Variants in SDK1 observed in about 807,000 individuals in gnomAD.
SDK1 encodes protein sidekick-1.
SDK1 carries 157 observed loss-of-function variants against 245.5 expected under a neutral mutation model. The observed-to-expected ratio is 0.64, with a 90% confidence interval of 0.56 to 0.73. The LOEUF is 0.73. Ranked by LOEUF, SDK1 falls within the 30% of genes least tolerant of loss-of-function variation. The pLI is 0.00. For synonymous variants in SDK1, 1,647 were observed against 1,278.5 expected (o/e 1.29, Z -6.15); for missense variants, 3,583 against 3,002.3 (o/e 1.19, Z -4.52).
chr7:3,560,643 G>T (rs983236174), intron 1 of SDK1, among the ~76,000 whole-genome samples: 1 of 152,156 alleles, frequency 6.6e-6, no homozygotes, highest in African/African-American at 2.4e-5. Context: ...GCACGATCCT[G>T]TAAAAACATC....
rs557998188 is a variant in SDK1 at position 3,952,733 on chromosome 7, C to A, written c.1150+813C>A. On this transcript the variant is annotated intron_variant, in intron 7 of 44. Coordinates refer to ENST00000404826, the MANE Select transcript of SDK1 (RefSeq NM_152744.4). ...AACAGAGATGCTTCCTCAAACTGGG[C>A]GACATATTATTCCTGAACCAAGGAG... Among the ~76,000 whole-genome samples, 7 of 151,144 alleles carry A rather than the reference C, an allele frequency of 4.6e-5. No homozygotes were observed. The South Asian group carries it at 8.4e-4, about 18-fold the overall frequency.
intron 1 of SDK1, among the ~76,000 whole-genome samples, chr7:3,435,803 G>A (rs1007664062): frequency 6.6e-5 from 10 of 152,072 alleles, no homozygotes; most frequent in Non-Finnish European, 1.2e-4. Flanking sequence ...CAGTCTCTAC[G>A]TCCCTCATGC....
At chr7:3,883,693 G>GCTCCGTCC (rs1781262210) in intron 5 of SDK1, among the ~76,000 whole-genome samples, 1 of 144,252 alleles carries the variant, frequency 6.9e-6, no homozygotes, top group African/African-American at 2.8e-5. Flanking sequence ...TCGCTCCCTC[G>GCTCCGTCC]CTCCCTCCCT....
chr7:4,046,555 G>A (rs758969759), intron 17 of SDK1, among the ~76,000 whole-genome samples: 2 of 152,024 alleles, frequency 1.3e-5, no homozygotes, highest in African/African-American at 2.4e-5. Context: ...ACCATTTGTC[G>A]AAATTACTAT....
At chr7:4,073,763 G>C (rs56249161) in intron 20 of SDK1, among the ~76,000 whole-genome samples, 45,393 of 151,848 alleles carry the variant, frequency 0.3, 7,272 homozygotes, top group African/African-American at 0.4. Context: ...AGGGTCTCGT[G>C]CACCATGAGA....
chr7:4,094,817 G>C (rs189051212), intron 22 of SDK1, among the ~76,000 whole-genome samples: 1 of 152,162 alleles, frequency 6.6e-6, no homozygotes, highest in Non-Finnish European at 1.5e-5. Flanking sequence ...CTTACAGTAA[G>C]GATCCATAAA....
rs1583808010 is a variant in SDK1, at chr7:3,403,859, ATATATATAT to A, written c.298+101976_298+101984del. 5.8e-5 allele frequency among the ~76,000 whole-genome samples: 6 copies of A among 104,112 alleles called. 1 individual carries two copies. In the East Asian group the frequency reaches 1.4e-3, roughly 24 times the overall value. The allele number at this position is 104,112 out of a possible 152,430, so 68.3% of individuals were successfully genotyped here. A position where few individuals can be genotyped will look rare whatever the true frequency, so the allele number is the denominator to read the frequency against. On this transcript the variant is annotated intron_variant, in intron 1 of 44. Coordinates refer to ENST00000404826, the MANE Select transcript of SDK1 (RefSeq NM_152744.4). ...TATATATATATATATATATATATAT[ATATATATAT>A]AATATATATATTTATTTATATTATA...
chr7:3,644,251 A>G (rs1007754035), intron 4 of SDK1, among the ~76,000 whole-genome samples: 1 of 150,264 alleles, frequency 6.7e-6, no homozygotes, highest in African/African-American at 2.4e-5. Flanking sequence ...ATTTATATAT[A>G]TATATATATA....
intron 19 of SDK1, among the ~76,000 whole-genome samples, chr7:4,055,495 G>T (rs1423979543): frequency 2.6e-5 from 4 of 151,958 alleles, no homozygotes; most frequent in South Asian, 4.1e-4. Context: ...CTTCCTGGAG[G>T]TTCTTCAATT....
At chr7:4,155,396 G>T (rs1188042490) in intron 30 of SDK1, among the ~76,000 whole-genome samples, 2 of 152,200 alleles carry the variant, frequency 1.3e-5, no homozygotes, top group East Asian at 3.9e-4. Flanking sequence ...GATTTGTCCA[G>T]CCACCTGACA....
At chr7:3,749,030 A>G (rs1779702147) in intron 4 of SDK1, among the ~76,000 whole-genome samples, 1 of 152,230 alleles carries the variant, frequency 6.6e-6, no homozygotes, top group Non-Finnish European at 1.5e-5. Context: ...ACATGCCAGT[A>G]ATGCGAATAT....
intron 1 of SDK1, among the ~76,000 whole-genome samples, chr7:3,462,345 C>T (rs775787210): frequency 6.6e-5 from 10 of 152,100 alleles, no homozygotes; most frequent in Non-Finnish European, 1.2e-4. Flanking sequence ...CCTGCCCCGC[C>T]GAGGTTGAGT....
intron 1 of SDK1, among the ~76,000 whole-genome samples, chr7:3,593,316 G>A (rs1050022607): frequency 6.6e-6 from 1 of 152,110 alleles, no homozygotes; most frequent in Non-Finnish European, 1.5e-5. Context: ...TGGAGCACTG[G>A]GGACAAGGTG....
chr7:4,182,113 G>T (rs1292294684), intron 35 of SDK1, among the ~76,000 whole-genome samples: 1 of 152,142 alleles, frequency 6.6e-6, no homozygotes, highest in Non-Finnish European at 1.5e-5. Context: ...TAGAGACGGG[G>T]TTTCACCGTG....
intron 1 of SDK1, among the ~76,000 whole-genome samples, chr7:3,510,984 C>G (rs1358170858): frequency 6.6e-6 from 1 of 152,190 alleles, no homozygotes; most frequent in East Asian, 1.9e-4. Context: ...AAGAATTGCC[C>G]TGGCTGCTGT....
chr7:4,136,588 A>G (rs929310161), intron 28 of SDK1, among the ~76,000 whole-genome samples: 3 of 152,242 alleles, frequency 2.0e-5, no homozygotes, highest in African/African-American at 7.2e-5. Flanking sequence ...TAGCATTTAG[A>G]ACTTTTCTTT....
chr7:3,776,924 G>T (rs10259149), intron 4 of SDK1, among the ~76,000 whole-genome samples: 1 of 152,118 alleles, frequency 6.6e-6, no homozygotes, highest in South Asian at 2.1e-4. Flanking sequence ...GTATCATAGA[G>T]CACGGTGTAT....
In SDK1 at chr7:4,114,127, G is replaced by A. The variant is rs1234230941; in HGVS notation, c.3676G>A (p.Ala1226Thr). The change falls in exon 25 of 45, where the codon GCC becomes ACC. Residue 1226 changes from alanine (A) to threonine (T), a missense_variant. Coordinates refer to ENST00000404826, the MANE Select transcript of SDK1 (RefSeq NM_152744.4). Reference protein sequence around the residue: ...WRSDLQSSAVAQVVSDRLERE... With the variant: ...WRSDLQSSAVTQVVSDRLERE... ...CTCAGACCTCCAGTCCTCAGCAGTG[G>A]CCCAAGTCGTCAGTGACCGGCTGGA... 44 of 1,614,092 alleles carry A rather than the reference G, an allele frequency of 2.7e-5. No homozygotes were observed. Among genetic ancestry groups the A allele is most frequent in the Non-Finnish European group, 3.4e-5 (40 of 1,180,044 alleles).
Position 4,149,249 on chromosome 7 carries a change from C to T in SDK1, c.4424-13C>T. 4 of 1,506,130 alleles carry T rather than the reference C, an allele frequency of 2.7e-6. No individual in the cohort carries two copies. Among genetic ancestry groups the T allele is most frequent in the Non-Finnish European group, 3.5e-6 (4 of 1,127,584 alleles). The allele number at this position is 1,506,130 out of a possible 1,614,324, so 93.3% of individuals were successfully genotyped here. A position where few individuals can be genotyped will look rare whatever the true frequency, so the allele number is the denominator to read the frequency against. ...CTCTCACATGTCCCTGGTCTGTCCT[C>T]ATTTGGTTGCAGAGCGGCCGGCACC... On this transcript the variant is annotated splice_polypyrimidine_tract_variant and intron_variant, in intron 29 of 44. Coordinates refer to ENST00000404826, the MANE Select transcript of SDK1 (RefSeq NM_152744.4).
Sources: allele counts gnomAD v4.1 joint callset (sites outside exome capture counted in the v4.1 genomes callset), GRCh38; gene constraint gnomAD v4.1.1; transcripts MANE v1.5; gene names NCBI Gene and HGNC (gene_info 2026-07-23, HGNC 2026-07-21).